Variants in WDR70 observed in about 807,000 individuals in gnomAD.
WDR70 encodes the protein WD repeat domain 70.
In WDR70, 53 loss-of-function variants were observed where a neutral mutation model predicts 88.6. That is an observed-to-expected ratio of 0.60 (90% CI 0.48 to 0.75). WDR70 has a LOEUF of 0.75. WDR70 is among the 30% of genes least tolerant of loss of function. The probability of loss-of-function intolerance (pLI) is 0.00; values close to 1 mark genes in which losing one functional copy is unlikely to be tolerated. For synonymous variants in WDR70, 280 were observed against 270.0 expected (o/e 1.04, Z -0.36); for missense variants, 610 against 823.2 (o/e 0.74, Z 3.17).
At chr5:37,564,738 G>C (rs933975833) in intron 9 of WDR70, among the ~76,000 whole-genome samples, 1 of 152,008 alleles carries the variant, frequency 6.6e-6, no homozygotes, top group Non-Finnish European at 1.5e-5. Context: ...GACTCCCCTT[G>C]GTATGACAAT....
At chr5:37,661,312 G>C (rs542860449) in intron 10 of WDR70, among the ~76,000 whole-genome samples, 1 of 152,224 alleles carries the variant, frequency 6.6e-6, no homozygotes, top group African/African-American at 2.4e-5. Context: ...CAGAGCAAAC[G>C]CTTTCTTTTT....
rs577998337 is a variant in WDR70, at chr5:37,577,530, C to T, written c.918-27534C>T. ...CATATATACATATAAAATAATAATTCGAGAGAAGAGGTCAGGGAAGACTTT... is the reference window on the plus strand; with the variant it reads ...CATATATACATATAAAATAATAATTTGAGAGAAGAGGTCAGGGAAGACTTT... On this transcript the variant is annotated intron_variant, in intron 9 of 17. Coordinates refer to ENST00000265107, the MANE Select transcript of WDR70 (RefSeq NM_018034.4). 3.6e-4 allele frequency among the ~76,000 whole-genome samples: 55 copies of T among 152,066 alleles called. 2 individuals carry two copies. The South Asian group carries it at 0.011, about 30-fold the overall frequency.
chr5:37,678,331 G>A (rs1383917292), intron 10 of WDR70, among the ~76,000 whole-genome samples: 1 of 152,124 alleles, frequency 6.6e-6, no homozygotes, highest in Non-Finnish European at 1.5e-5. Flanking sequence ...TGGTCTTGAT[G>A]GTCTTTACAA....
At chr5:37,707,611 A>G (rs888069430) in intron 13 of WDR70, among the ~76,000 whole-genome samples, 2 of 152,090 alleles carry the variant, frequency 1.3e-5, no homozygotes, top group Non-Finnish European at 2.9e-5. Context: ...TATGCCTTGG[A>G]CATTTTAAAG....
chr5:37,607,818 A>G (rs956963562), intron 10 of WDR70, among the ~76,000 whole-genome samples: 4 of 152,100 alleles, frequency 2.6e-5, no homozygotes, highest in African/African-American at 9.7e-5. Context: ...TCAGCCTTTC[A>G]TTTGAGAAGA....
intron 10 of WDR70, among the ~76,000 whole-genome samples, chr5:37,664,235 A>G (rs1745776701): frequency 6.6e-6 from 1 of 152,130 alleles, no homozygotes; most frequent in African/African-American, 2.4e-5. Flanking sequence ...TCTTATGACA[A>G]TATTACTCCT....
intron 5 of WDR70, among the ~76,000 whole-genome samples, chr5:37,414,025 A>T (rs1270758289): frequency 6.6e-6 from 1 of 151,120 alleles, no homozygotes; most frequent in Admixed American, 6.6e-5. Context: ...CATGCTTGTA[A>T]TCCCAGCTAT....
chr5:37,623,923 A>G (rs1392264072), intron 10 of WDR70, among the ~76,000 whole-genome samples: 1 of 152,194 alleles, frequency 6.6e-6, no homozygotes, highest in African/African-American at 2.4e-5. Flanking sequence ...TCCATGGCAT[A>G]CATAGTGACG....
At position 37,530,443 on chromosome 5, in the gene WDR70, T is replaced by C. The variant is rs555721341; in HGVS notation, c.917+13853T>C. 7.2e-5 allele frequency among the ~76,000 whole-genome samples: 11 copies of C among 152,230 alleles called. No individual in the cohort carries two copies. In the South Asian group the frequency reaches 2.1e-3, roughly 29 times the overall value. On this transcript the variant is annotated intron_variant, in intron 9 of 17. Coordinates refer to ENST00000265107, the MANE Select transcript of WDR70 (RefSeq NM_018034.4). Reference sequence around the variant, plus strand: ...GAATTCTTCTGTCCTAGATTTTTTTTCGTTGGCAATTTTTTTTATTACCAC... The same window carrying C: ...GAATTCTTCTGTCCTAGATTTTTTTCCGTTGGCAATTTTTTTTATTACCAC...
rs972278394 is a variant in WDR70, at chr5:37,493,637, C to T, written c.840+13650C>T. On this transcript the variant is annotated intron_variant, in intron 8 of 17. Coordinates refer to ENST00000265107, the MANE Select transcript of WDR70 (RefSeq NM_018034.4). ...TACGTTGTGCCAGACTTCTGACCTACGCAGCTGTTAGGTAATAAATCGGGG... is the reference window on the plus strand; with the variant it reads ...TACGTTGTGCCAGACTTCTGACCTATGCAGCTGTTAGGTAATAAATCGGGG... 2.6e-5 allele frequency among the ~76,000 whole-genome samples: 4 copies of T among 152,232 alleles called. 1 individual carries two copies. The highest frequency in any genetic ancestry group is 7.2e-5 in the African/African-American group (3 of 41,562).
In WDR70 at chr5:37,379,476, C is replaced by T. The variant is rs1748352162; in HGVS notation, c.26-13C>T. 1 of 1,613,956 alleles carries T rather than the reference C, an allele frequency of 6.2e-7. No individual in the cohort carries two copies. The highest frequency in any genetic ancestry group is 1.3e-5 in the African/African-American group (1 of 75,048). ...GCACTAACTAGGCCGCCTCTCTTTTCCTCTTGCTCCAGTGACAGGCTCAGA... is the reference window on the plus strand; with the variant it reads ...GCACTAACTAGGCCGCCTCTCTTTTTCTCTTGCTCCAGTGACAGGCTCAGA... On this transcript the variant is annotated splice_polypyrimidine_tract_variant and intron_variant, in intron 1 of 17. Coordinates refer to ENST00000265107, the MANE Select transcript of WDR70 (RefSeq NM_018034.4).
chr5:37,554,185 G>A (rs1013728276), intron 9 of WDR70, among the ~76,000 whole-genome samples: 6 of 148,298 alleles, frequency 4.0e-5, no homozygotes, highest in African/African-American at 1.3e-4. Flanking sequence ...ACTAAGTCAT[G>A]TATCTGTTAA....
chr5:37,609,825 C>T (rs1043126903), intron 10 of WDR70, among the ~76,000 whole-genome samples: 1 of 152,112 alleles, frequency 6.6e-6, no homozygotes. Context: ...GAATCTGAGG[C>T]AGTAATCATA....
intron 9 of WDR70, among the ~76,000 whole-genome samples, chr5:37,589,249 T>TACAC (rs57446016): frequency 0.048 from 6,706 of 140,076 alleles, 216 homozygotes; most frequent in Non-Finnish European, 0.057. Context: ...CCTACACACA[T>TACAC]ACACACACAC....
At chr5:37,540,142 CAAAT>C (rs1184507792) in intron 9 of WDR70, among the ~76,000 whole-genome samples, 1 of 152,122 alleles carries the variant, frequency 6.6e-6, no homozygotes, top group Non-Finnish European at 1.5e-5. Context: ...TTATAATTGA[CAAAT>C]AACTGACAGT....
chr5:37,733,473 T>C (rs1209656090), intron 17 of WDR70, among the ~76,000 whole-genome samples: 1 of 152,166 alleles, frequency 6.6e-6, no homozygotes, highest in African/African-American at 2.4e-5. Flanking sequence ...TAGAACTTTT[T>C]ATTGTATAAT....
At chr5:37,564,556 G>A (rs573800272) in intron 9 of WDR70, among the ~76,000 whole-genome samples, 12 of 108,698 alleles carry the variant, frequency 1.1e-4, no homozygotes, top group East Asian at 2.8e-4. Context: ...GAGGGAGACC[G>A]TGGGGAGAGG....
intron 5 of WDR70, among the ~76,000 whole-genome samples, chr5:37,421,033 A>T (rs1464832381): frequency 6.6e-6 from 1 of 152,242 alleles, no homozygotes; most frequent in Non-Finnish European, 1.5e-5. Flanking sequence ...AGATGAATTA[A>T]CTCATATAAT....
chr5:37,673,593 C>CCCG (rs397799965), intron 10 of WDR70, among the ~76,000 whole-genome samples: 1 of 119,046 alleles, frequency 8.4e-6, no homozygotes, highest in African/African-American at 3.1e-5. Context: ...ACCCCCCCCC[C>CCCG]ACCCTTTTTT....
Sources: allele counts gnomAD v4.1 joint callset (sites outside exome capture counted in the v4.1 genomes callset), GRCh38; gene constraint gnomAD v4.1.1; transcripts MANE v1.5; gene names NCBI Gene and HGNC (gene_info 2026-07-23, HGNC 2026-07-21).